Variants in CDH13 observed in about 807,000 individuals in gnomAD.
CDH13 encodes cadherin 13, also known as cadherin-13.
CDH13 carries 24 observed loss-of-function variants against 63.8 expected under a neutral mutation model. The ratio of observed to expected loss-of-function variants is 0.38; its 90% CI spans 0.27 to 0.53. The LOEUF (loss-of-function observed/expected upper bound fraction) is 0.53, where lower values mean the gene tolerates loss of function less well. Among genes scored for constraint, CDH13 ranks in the 20% least tolerant of loss-of-function variants. CDH13 has a pLI of 0.85. For synonymous variants in CDH13, 503 were observed against 355.3 expected (o/e 1.42, Z -4.67); for missense variants, 1,049 against 903.1 (o/e 1.16, Z -2.07).
intron 5 of CDH13, among the ~76,000 whole-genome samples, chr16:83,255,590 C>G (rs147789041): frequency 1.3e-5 from 2 of 152,304 alleles, no homozygotes; most frequent in African/African-American, 4.8e-5. Context: ...GCTGTGCTGG[C>G]CCAAACATCA....
At chr16:83,345,137 C>G in intron 6 of CDH13, 131 bp downstream of exon 6, 1 of 1,013,158 alleles carries the variant, frequency 9.9e-7, no homozygotes, top group Non-Finnish European at 1.4e-6. Context: ...TAATACTTCC[C>G]TGCGTAGAAG....
At chr16:82,936,702 A>C (rs1043318464) in intron 2 of CDH13, among the ~76,000 whole-genome samples, 3 of 152,178 alleles carry the variant, frequency 2.0e-5, no homozygotes, top group African/African-American at 7.2e-5. Flanking sequence ...TGTCCTACCT[A>C]CGGATGCCAA....
At chr16:83,179,577 G>C (rs1029019803) in intron 4 of CDH13, among the ~76,000 whole-genome samples, 1 of 151,698 alleles carries the variant, frequency 6.6e-6, no homozygotes, top group Non-Finnish European at 1.5e-5. Flanking sequence ...GAGTGAACCC[G>C]GGAGGTGGAG....
intron 5 of CDH13, among the ~76,000 whole-genome samples, chr16:83,252,776 C>G (rs996415991): frequency 6.6e-6 from 1 of 152,006 alleles, no homozygotes; most frequent in Non-Finnish European, 1.5e-5. Context: ...AGTATCCTAC[C>G]GTTCACAGCA....
intron 3 of CDH13, among the ~76,000 whole-genome samples, chr16:83,067,168 A>G (rs2032082203): frequency 6.6e-6 from 1 of 152,170 alleles, no homozygotes; most frequent in Non-Finnish European, 1.5e-5. Flanking sequence ...CTCTTATTCC[A>G]AAGAGCAGCC....
chr16:83,583,018 A>C (rs1905774310), intron 7 of CDH13, among the ~76,000 whole-genome samples: 1 of 152,172 alleles, frequency 6.6e-6, no homozygotes, highest in Non-Finnish European at 1.5e-5. Context: ...GAAGTCCAAA[A>C]TCAAAGTGTT....
intron 7 of CDH13, among the ~76,000 whole-genome samples, chr16:83,489,334 C>A (rs2073959510): frequency 6.6e-6 from 1 of 152,094 alleles, no homozygotes; most frequent in South Asian, 2.1e-4. Context: ...AAAACATCAA[C>A]AGCCCCCCAA....
chr16:83,787,680 C>A (rs1333114158), intron 13 of CDH13, among the ~76,000 whole-genome samples: 18 of 152,196 alleles, frequency 1.2e-4, no homozygotes, highest in Admixed American at 1.2e-3. Flanking sequence ...CGGTGGCTCA[C>A]CCCTGTAATC....
intron 6 of CDH13, among the ~76,000 whole-genome samples, chr16:83,346,229 GAGA>G (rs1262870196): frequency 1.3e-5 from 2 of 152,200 alleles, no homozygotes; most frequent in African/African-American, 2.4e-5. Flanking sequence ...CAGGTCTGGA[GAGA>G]AGGAGAGAGG....
intron 7 of CDH13, among the ~76,000 whole-genome samples, chr16:83,590,132 C>T (rs559042456): frequency 1.3e-5 from 2 of 152,162 alleles, no homozygotes; most frequent in Admixed American, 6.5e-5. Flanking sequence ...AAAACTCAGA[C>T]ATTATCCTGT....
chr16:83,637,007 T>G (rs1475863624), intron 8 of CDH13, among the ~76,000 whole-genome samples: 1 of 152,180 alleles, frequency 6.6e-6, no homozygotes. Context: ...TCTCTGCTGA[T>G]TAGTGATGAT....
intron 5 of CDH13, among the ~76,000 whole-genome samples, chr16:83,236,185 G>A (rs1367469984): frequency 1.3e-5 from 2 of 151,344 alleles, no homozygotes; most frequent in Non-Finnish European, 2.9e-5. Context: ...TTCCAAACTA[G>A]TTCTGAAAAC....
At position 82,670,416 on chromosome 16, in the gene CDH13, A is replaced by G. The variant is rs538019560; in HGVS notation, c.45+43279A>G. On this transcript the variant is annotated intron_variant, in intron 1 of 13. Coordinates refer to ENST00000567109, the MANE Select transcript of CDH13 (RefSeq NM_001257.5). The stretch of plus-strand genomic sequence containing the variant: ...CGCACCTATGGGTGTGAAATGAGAA[A>G]AAAATATCACTTGAAACCAAATCAA... 2.0e-5 allele frequency among the ~76,000 whole-genome samples: 3 copies of G among 152,360 alleles called. No individual in the cohort carries two copies. The South Asian group carries it at 6.2e-4, about 32-fold the overall frequency.
At chr16:83,285,363 G>C (rs946339765) in intron 5 of CDH13, among the ~76,000 whole-genome samples, 9 of 152,020 alleles carry the variant, frequency 5.9e-5, no homozygotes, top group African/African-American at 2.2e-4. Flanking sequence ...TTATGAGGTT[G>C]TTTTAGGGGC....
At position 82,734,078 on chromosome 16, in the gene CDH13, G is replaced by A. The variant is rs557587218; in HGVS notation, c.45+106941G>A. ...GAGCTGGGATTTCAGAAGGAAGAAA[G>A]TGTTTGAGTTGAGACCTGAAGGAGG... On this transcript the variant is annotated intron_variant, in intron 1 of 13. Coordinates refer to ENST00000567109, the MANE Select transcript of CDH13 (RefSeq NM_001257.5). 2.6e-5 allele frequency among the ~76,000 whole-genome samples: 4 copies of A among 152,308 alleles called. No individual in the cohort carries two copies. The East Asian group carries it at 7.7e-4, about 29-fold the overall frequency.
chr16:83,768,012 T>C (rs1244175468), intron 11 of CDH13, among the ~76,000 whole-genome samples: 3 of 152,098 alleles, frequency 2.0e-5, no homozygotes, highest in Non-Finnish European at 2.9e-5. Flanking sequence ...TAGAAAAAAA[T>C]ATTTTTAATC....
At chr16:83,354,675 G>A (rs1182405116) in intron 6 of CDH13, among the ~76,000 whole-genome samples, 2 of 152,192 alleles carry the variant, frequency 1.3e-5, no homozygotes, top group Non-Finnish European at 2.9e-5. Context: ...CATGGAGAAA[G>A]GATGTTCCAG....
At chr16:83,504,948 C>G (rs2074362754) in intron 7 of CDH13, among the ~76,000 whole-genome samples, 2 of 152,072 alleles carry the variant, frequency 1.3e-5, no homozygotes, top group Admixed American at 6.5e-5. Context: ...ATCAAAATTT[C>G]CTGCTTTAAA....
At chr16:82,842,254 G>T (rs1310490381) in intron 1 of CDH13, among the ~76,000 whole-genome samples, 3 of 149,894 alleles carry the variant, frequency 2.0e-5, no homozygotes, top group Non-Finnish European at 4.4e-5. Context: ...TGTTATCAAA[G>T]ACAAGGAATT....
Sources: allele counts gnomAD v4.1 joint callset (sites outside exome capture counted in the v4.1 genomes callset), GRCh38; gene constraint gnomAD v4.1.1; transcripts MANE v1.5; gene names NCBI Gene and HGNC (gene_info 2026-07-23, HGNC 2026-07-21).